AFF3: variants seen among roughly 807,000 people sequenced by gnomAD.
AFF3 encodes the protein AF4/FMR2 family member 3.
A neutral mutation model predicts 129.7 loss-of-function variants in AFF3; 32 were observed. That is an observed-to-expected ratio of 0.25 (90% CI 0.19 to 0.33). AFF3 has a LOEUF of 0.33. AFF3 is among the 10% of genes least tolerant of loss of function. The probability of loss-of-function intolerance (pLI) is 1.00; values close to 1 mark genes in which losing one functional copy is unlikely to be tolerated. For missense variants in AFF3, 1,373 were observed against 1,592.0 expected (o/e 0.86, Z 2.34); for synonymous variants, 644 against 635.4 (o/e 1.01, Z -0.20).
At chr2:99,563,151 C>G (rs971296466) in intron 20 of AFF3, among the ~76,000 whole-genome samples, 1 of 151,136 alleles carries the variant, frequency 6.6e-6, no homozygotes, top group Admixed American at 6.6e-5. Context: ...GAGGGTCAGG[C>G]AGGGTGGGCA....
intron 4 of AFF3, among the ~76,000 whole-genome samples, chr2:100,014,954 A>ATTTTTTTT (rs562822524): frequency 2.7e-4 from 33 of 121,644 alleles, no homozygotes; most frequent in East Asian, 7.1e-4. Context: ...CAGCCAGCTA[A>ATTTTTTTT]TTTTTTTTTT....
intron 12 of AFF3, among the ~76,000 whole-genome samples, chr2:99,670,207 T>C (rs1176754985): frequency 3.3e-5 from 5 of 152,032 alleles, no homozygotes; most frequent in Non-Finnish European, 7.4e-5. Context: ...ACAAAGGCAA[T>C]GGGGAGAAAA....
rs537562104 is a variant in AFF3 at position 100,137,385 on chromosome 2, A to G, written c.-228+5099T>C. Among the ~76,000 whole-genome samples the G allele has an allele frequency of 3.3e-5, 5 of 152,334 alleles. No homozygotes were observed. The East Asian group carries it at 5.8e-4, about 18-fold the overall frequency. On this transcript the variant is annotated intron_variant, in intron 1 of 24. Coordinates refer to ENST00000672756, the MANE Select transcript of AFF3 (RefSeq NM_001386135.1). ...CATATGTCCTTTGATCTTTGCTTCA[A>G]AAAATATTGCCATGGTATTTAGAAA... is the stretch of plus-strand genomic sequence containing the variant.
In AFF3 at chr2:99,894,693, T is replaced by G. The variant is rs989126759; in HGVS notation, c.874-57169A>C. Among the ~76,000 whole-genome samples, 5 of 151,950 alleles carry G rather than the reference T, an allele frequency of 3.3e-5. No homozygotes were observed. In the East Asian group the frequency reaches 9.7e-4, roughly 29 times the overall value. On this transcript the variant is annotated intron_variant, in intron 7 of 24. Coordinates refer to ENST00000672756, the MANE Select transcript of AFF3 (RefSeq NM_001386135.1). ...GGTTTCACCATGTTAGCCAGGATGGTCTCGATCTCCTGACCTCGTGATCCG... is the reference window on the plus strand; with the variant it reads ...GGTTTCACCATGTTAGCCAGGATGGGCTCGATCTCCTGACCTCGTGATCCG...
At chr2:99,582,674 G>C in intron 17 of AFF3, 124 bp downstream of exon 17, 2 of 1,004,426 alleles carry the variant, frequency 2.0e-6, no homozygotes, top group Non-Finnish European at 3.0e-6. Context: ...CTAGAAGCGG[G>C]AGGCATTCAG....
intron 7 of AFF3, among the ~76,000 whole-genome samples, chr2:99,866,371 A>G (rs904112020): frequency 3.3e-5 from 5 of 152,210 alleles, no homozygotes; most frequent in Admixed American, 6.5e-5. Context: ...AATAGGCTTG[A>G]AGACCTCATC....
intron 11 of AFF3, among the ~76,000 whole-genome samples, chr2:99,686,056 G>C (rs1190383013): frequency 6.6e-6 from 1 of 152,100 alleles, no homozygotes; most frequent in Non-Finnish European, 1.5e-5. Flanking sequence ...CGGGCTTGGT[G>C]GTGGGTGCCT....
At chr2:100,065,747 G>C (rs1255565178) in intron 4 of AFF3, among the ~76,000 whole-genome samples, 1 of 152,044 alleles carries the variant, frequency 6.6e-6, no homozygotes, top group Non-Finnish European at 1.5e-5. Flanking sequence ...ATTCTCAAAA[G>C]ATATATTAGA....
chr2:99,868,366 T>C (rs1691600947), intron 7 of AFF3, among the ~76,000 whole-genome samples: 1 of 152,272 alleles, frequency 6.6e-6, no homozygotes, highest in African/African-American at 2.4e-5. Flanking sequence ...ATCTGAAATA[T>C]ATTCAACATT....
intron 15 of AFF3, among the ~76,000 whole-genome samples, chr2:99,590,889 AG>A (rs781732042): frequency 5.9e-5 from 9 of 151,738 alleles, no homozygotes; most frequent in Non-Finnish European, 8.8e-5. Context: ...GCTACTCGGG[AG>A]GCTGAGGCAG....
chr2:99,798,220 A>C (rs1685687098), intron 8 of AFF3, among the ~76,000 whole-genome samples: 2 of 152,026 alleles, frequency 1.3e-5, no homozygotes, highest in South Asian at 4.1e-4. Context: ...TATAATTCCT[A>C]AAGCAACCAC....
chr2:99,814,438 G>A (rs2105616785), intron 8 of AFF3, among the ~76,000 whole-genome samples: 1 of 152,266 alleles, frequency 6.6e-6, no homozygotes, highest in Non-Finnish European at 1.5e-5. Flanking sequence ...AGCTGAGTTG[G>A]AGCACGCATA....
At chr2:100,021,455 G>A (rs1243615227) in intron 4 of AFF3, among the ~76,000 whole-genome samples, 1 of 152,112 alleles carries the variant, frequency 6.6e-6, no homozygotes, top group Non-Finnish European at 1.5e-5. Flanking sequence ...AATTTAGGCT[G>A]TATGCATATC....
chr2:99,711,446 C>T (rs1304965265), intron 11 of AFF3, among the ~76,000 whole-genome samples: 1 of 152,200 alleles, frequency 6.6e-6, no homozygotes, highest in Non-Finnish European at 1.5e-5. Flanking sequence ...GCATCTAAGG[C>T]ATGCCAAGTA....
chr2:100,128,884 C>T (rs924177487), intron 2 of AFF3, among the ~76,000 whole-genome samples: 7 of 152,230 alleles, frequency 4.6e-5, no homozygotes, highest in East Asian at 1.9e-4. Flanking sequence ...GGTCTCAGCA[C>T]GGAGATATTT....
intron 8 of AFF3, among the ~76,000 whole-genome samples, chr2:99,788,415 A>G (rs1297752201): frequency 6.6e-6 from 1 of 152,192 alleles, no homozygotes; most frequent in Non-Finnish European, 1.5e-5. Flanking sequence ...GACCCTGTGC[A>G]GGCCTACACT....
chr2:100,073,652 A>G (rs955497371), intron 4 of AFF3, among the ~76,000 whole-genome samples: 5 of 152,246 alleles, frequency 3.3e-5, no homozygotes, highest in African/African-American at 7.2e-5. Context: ...TAACTAAGAC[A>G]CTAACCTCTT....
At chr2:99,968,568 A>C (rs1678017763) in intron 7 of AFF3, among the ~76,000 whole-genome samples, 1 of 152,196 alleles carries the variant, frequency 6.6e-6, no homozygotes, top group South Asian at 2.1e-4. Flanking sequence ...AAGATAATTT[A>C]GTTGACATTT....
chr2:100,104,484 C>T lies in AFF3; in HGVS notation c.-30G>A, dbSNP rs1189970272. 5 of 1,305,120 alleles carry T rather than the reference C, an allele frequency of 3.8e-6. No homozygotes were observed. Among genetic ancestry groups the T allele is most frequent in the South Asian group, 1.4e-5 (1 of 72,100 alleles). The allele number at this position is 1,305,120 out of a possible 1,614,324, so 80.8% of individuals were successfully genotyped here. ...GGAGGTGTCAGCGTCGCCGCCGCCG[C>T]TACCGCCGCCGCCGAGGCTCGGGCC... On this transcript the variant is annotated 5_prime_UTR_variant, in exon 4 of 25. Coordinates refer to ENST00000672756, the MANE Select transcript of AFF3 (RefSeq NM_001386135.1).
Sources: gnomAD v4.1 joint callset for allele counts (sites outside exome capture counted in the v4.1 genomes callset) on GRCh38, gnomAD v4.1.1 for gene constraint, MANE v1.5 for transcripts, NCBI Gene and HGNC (gene_info 2026-07-23, HGNC 2026-07-21) for gene names.